The following CADPS variants were observed in gnomAD, a reference collection of about 807,000 sequenced individuals.
The protein encoded by CADPS is calcium dependent secretion activator.
A neutral mutation model predicts 167.3 loss-of-function variants in CADPS; 57 were observed. The ratio of observed to expected loss-of-function variants is 0.34; its 90% CI spans 0.28 to 0.42. The LOEUF (loss-of-function observed/expected upper bound fraction) is 0.42, where lower values mean the gene tolerates loss of function less well. CADPS is among the 20% of genes least tolerant of loss of function. CADPS has a pLI of 1.00. For missense variants in CADPS, 1,414 were observed against 1,738.1 expected (o/e 0.81, Z 3.32); for synonymous variants, 676 against 635.3 (o/e 1.06, Z -0.96).
chr3:62,461,560 T>C (rs921156514), intron 26 of CADPS, among the ~76,000 whole-genome samples: 11 of 152,192 alleles, frequency 7.2e-5, no homozygotes, highest in African/African-American at 2.4e-4. Context: ...AAACCGTGTT[T>C]ATGTGGCCTC....
chr3:62,516,028 A>G (rs775552490), intron 16 of CADPS, 31 bp downstream of exon 16: 23 of 1,611,628 alleles, frequency 1.4e-5, no homozygotes, highest in Non-Finnish European at 1.8e-5. Context: ...CAAAATTTAA[A>G]TTCAAAACTG....
intron 3 of CADPS, among the ~76,000 whole-genome samples, chr3:62,663,565 T>G (rs2073791407): frequency 6.6e-6 from 1 of 150,784 alleles, no homozygotes; most frequent in Admixed American, 6.6e-5. Context: ...CTAAGTCCCT[T>G]TCTTCTAAAA....
At chr3:62,475,462 A>G (rs575837644) in intron 23 of CADPS, among the ~76,000 whole-genome samples, 1 of 152,178 alleles carries the variant, frequency 6.6e-6, no homozygotes, top group African/African-American at 2.4e-5. Context: ...GCAGTTTTCT[A>G]ACAGTGCATA....
At chr3:62,614,542 C>G (rs184319045) in intron 6 of CADPS, among the ~76,000 whole-genome samples, 13 of 152,288 alleles carry the variant, frequency 8.5e-5, no homozygotes, top group Middle Eastern at 6.8e-3. Context: ...TTATCTTGTC[C>G]CTTGCCTCAG....
At chr3:62,712,608 C>T (rs532669461) in intron 3 of CADPS, among the ~76,000 whole-genome samples, 1 of 152,272 alleles carries the variant, frequency 6.6e-6, no homozygotes, top group African/African-American at 2.4e-5. Flanking sequence ...AGCTTGCATC[C>T]TTAATTTAAT....
intron 1 of CADPS, among the ~76,000 whole-genome samples, chr3:62,813,559 T>C (rs1339992515): frequency 6.6e-6 from 1 of 151,922 alleles, no homozygotes; most frequent in Admixed American, 6.6e-5. Flanking sequence ...CCTTGGGAAA[T>C]AATTTATGAC....
In CADPS at chr3:62,518,182, C is replaced by T. The variant is rs777596271; in HGVS notation, c.2360G>A (p.Arg787Gln). ...TGTAATCTGATTTTCTAGCAGAACT[C>T]GGAGCCTCTCTTTGATTTCTTCAAA... ...ERFEEIKERLRVLLENQITHF... is the reference protein window; with the variant it reads ...ERFEEIKERLQVLLENQITHF... The change falls in exon 14 of 30, where the codon CGA (arginine) becomes CAA (glutamine). Residue 787 changes from arginine to glutamine, a missense_variant. Arg to Gln is a conservative substitution (Grantham distance 43). This residue lies in a region of CADPS where 529 missense variants were observed against 629.6 expected (regional missense o/e 0.84). Coordinates refer to ENST00000383710, the MANE Select transcript of CADPS (RefSeq NM_003716.4). 10 of 1,612,594 alleles carry T rather than the reference C, an allele frequency of 6.2e-6. No homozygotes were observed. In the African/African-American group the frequency reaches 9.4e-5, roughly 15 times the overall value.
chr3:62,746,876 CT>C (rs2081574226), intron 3 of CADPS, among the ~76,000 whole-genome samples: 1 of 152,144 alleles, frequency 6.6e-6, no homozygotes, highest in Non-Finnish European at 1.5e-5. Context: ...TAAGTCATGC[CT>C]GGACTTCTGA....
At chr3:62,654,436 T>C (rs1430637679) in intron 4 of CADPS, among the ~76,000 whole-genome samples, 1 of 152,106 alleles carries the variant, frequency 6.6e-6, no homozygotes, top group Admixed American at 6.6e-5. Flanking sequence ...TAAAGAAGAG[T>C]TTGCCACCAG....
chr3:62,505,603 C>G (rs934589188), intron 17 of CADPS, among the ~76,000 whole-genome samples: 1 of 152,314 alleles, frequency 6.6e-6, no homozygotes, highest in Admixed American at 6.5e-5. Flanking sequence ...TCAGAGTGAT[C>G]TCTGTTAAGC....
intron 4 of CADPS, among the ~76,000 whole-genome samples, chr3:62,652,422 A>C (rs1477867837): frequency 7.4e-6 from 1 of 134,480 alleles, no homozygotes; most frequent in East Asian, 2.2e-4. Flanking sequence ...AAAAAAAAAA[A>C]ATAAGCTGTG....
intron 28 of CADPS, among the ~76,000 whole-genome samples, chr3:62,430,230 A>G (rs2053640152): frequency 6.6e-6 from 1 of 152,214 alleles, no homozygotes; most frequent in South Asian, 2.1e-4. Context: ...TCCCAAGTCC[A>G]TGTGGAATGG....
In CADPS at chr3:62,532,443, G is replaced by C. The variant is rs191083376; in HGVS notation, c.2291+428C>G. On this transcript the variant is annotated intron_variant, in intron 13 of 29. Transcript: ENST00000383710. ...TTATGAAATAAATAACAAAAACAAA[G>C]GCAAATATTTATTGTTTTTGCCATG... is the stretch of plus-strand genomic sequence containing the variant. 3.9e-4 allele frequency among the ~76,000 whole-genome samples: 60 copies of C among 152,156 alleles called. No individual in the cohort carries two copies. The South Asian group carries it at 9.6e-3, about 24-fold the overall frequency.
chr3:62,765,243 A>G (rs2086544612), intron 2 of CADPS, among the ~76,000 whole-genome samples: 2 of 152,198 alleles, frequency 1.3e-5, no homozygotes, highest in African/African-American at 4.8e-5. Flanking sequence ...ATTTGCAGAA[A>G]TACAAATCCA....
intron 1 of CADPS, among the ~76,000 whole-genome samples, chr3:62,814,952 A>G (rs559257750): frequency 1.3e-5 from 2 of 152,282 alleles, no homozygotes; most frequent in African/African-American, 4.8e-5. Context: ...TTCACAGGAC[A>G]GGTTTTGCGG....
At chr3:62,644,088 T>G (rs774604353) in intron 6 of CADPS, among the ~76,000 whole-genome samples, 8 of 152,212 alleles carry the variant, frequency 5.3e-5, no homozygotes, top group South Asian at 2.1e-4. Context: ...AAGAGCCACT[T>G]GAAGGTATAC....
intron 4 of CADPS, among the ~76,000 whole-genome samples, chr3:62,656,583 C>T (rs745910310): frequency 3.9e-5 from 6 of 152,142 alleles, no homozygotes; most frequent in Non-Finnish European, 8.8e-5. Context: ...GCATCATCTC[C>T]TTTCATCCTG....
At chr3:62,802,822 A>G (rs1222526920) in intron 1 of CADPS, among the ~76,000 whole-genome samples, 1 of 152,174 alleles carries the variant, frequency 6.6e-6, no homozygotes. Context: ...AGCAATTCCC[A>G]GCCATCCTGC....
At chr3:62,787,160 T>C (rs2092530221) in intron 1 of CADPS, among the ~76,000 whole-genome samples, 1 of 152,006 alleles carries the variant, frequency 6.6e-6, no homozygotes, top group African/African-American at 2.4e-5. Context: ...CCGGGCATGG[T>C]TGCATGCACC....
Sources: gnomAD v4.1 joint callset for allele counts (sites outside exome capture counted in the v4.1 genomes callset) on GRCh38, gnomAD v4.1.1 for gene constraint, gnomAD v4.1.1 regional missense constraint, MANE v1.5 for transcripts, NCBI Gene and HGNC (gene_info 2026-07-23, HGNC 2026-07-21) for gene names.